MAF: variants seen among roughly 807,000 people sequenced by gnomAD.
MAF encodes the protein transcription factor Maf.
Under a neutral mutation model 22.0 loss-of-function variants are expected in MAF, and 10 were observed. The ratio of observed to expected loss-of-function variants is 0.45; its 90% CI spans 0.28 to 0.77. The LOEUF is 0.77. Among genes scored for constraint, MAF ranks in the 30% least tolerant of loss-of-function variants. MAF has a pLI of 0.12. For missense variants in MAF, 544 were observed against 548.4 expected (o/e 0.99, Z 0.08); for synonymous variants, 337 against 255.8 (o/e 1.32, Z -3.03).
At chr16:79,581,994 C>T (rs1912549869), downstream of MAF, among the ~76,000 whole-genome samples, 1 of 152,176 alleles carries the variant, frequency 6.6e-6, no homozygotes, top group African/African-American at 2.4e-5. Flanking sequence ...AATAATTTTA[C>T]TGTATTTCCT....
At chr16:79,410,929 C>T in the MAF span, among the ~76,000 whole-genome samples, 2 of 152,154 alleles carry the variant, frequency 1.3e-5, no homozygotes, top group African/African-American at 4.8e-5. Context: ...CGTGATGTTC[C>T]AGGGAGGGGG....
At chr16:79,582,834 C>T (rs1398381834), downstream of MAF, among the ~76,000 whole-genome samples, 1 of 152,166 alleles carries the variant, frequency 6.6e-6, no homozygotes, top group Non-Finnish European at 1.5e-5. Flanking sequence ...TCCTTCCCTT[C>T]TTGTGGGTGG....
At chr16:79,475,860 T>C in the MAF span, among the ~76,000 whole-genome samples, 1 of 152,168 alleles carries the variant, frequency 6.6e-6, no homozygotes. Context: ...GACCCCTGTG[T>C]GGCCTGTGCT....
chr16:79,564,836 A>G, the MAF span, among the ~76,000 whole-genome samples: 1 of 152,202 alleles, frequency 6.6e-6, no homozygotes, highest in Non-Finnish European at 1.5e-5. Context: ...ACGCCTGACA[A>G]TTGCAGCCTA....
At chr16:79,307,226 C>G in the MAF span, among the ~76,000 whole-genome samples, 1 of 152,232 alleles carries the variant, frequency 6.6e-6, no homozygotes, top group African/African-American at 2.4e-5. Flanking sequence ...CTCACACGAG[C>G]TGACCACAGG....
At chr16:79,415,571 G>A in the MAF span, among the ~76,000 whole-genome samples, 3 of 152,230 alleles carry the variant, frequency 2.0e-5, no homozygotes, top group South Asian at 2.1e-4. Flanking sequence ...TGCTCAGTGT[G>A]GTCAGCATTC....
the MAF span, among the ~76,000 whole-genome samples, chr16:79,476,336 T>C: frequency 6.6e-6 from 1 of 152,174 alleles, no homozygotes; most frequent in Non-Finnish European, 1.5e-5. Flanking sequence ...TGGGATAATA[T>C]ACTGTGAGAT....
chr16:79,334,853 G>A, the MAF span, among the ~76,000 whole-genome samples: 1,055 of 102,510 alleles, frequency 0.01, 13 homozygotes, highest in African/African-American at 0.031. Flanking sequence ...GTGTGTGTGT[G>A]TGTGTGTGTA....
At chr16:79,277,726 T>C in the MAF span, among the ~76,000 whole-genome samples, 2 of 152,208 alleles carry the variant, frequency 1.3e-5, no homozygotes, top group African/African-American at 4.8e-5. Context: ...CCCCTGAGCT[T>C]CTATGTGTCT....
At chr16:79,461,083 T>C in the MAF span, among the ~76,000 whole-genome samples, 15 of 152,220 alleles carry the variant, frequency 9.9e-5, no homozygotes, top group Admixed American at 5.2e-4. Context: ...TTGTTGTCTA[T>C]AAAGTAGGCA....
chr16:79,342,937 G>C, the MAF span, among the ~76,000 whole-genome samples: 1 of 151,930 alleles, frequency 6.6e-6, no homozygotes, highest in African/African-American at 2.4e-5. Context: ...ACCATTAATT[G>C]CTTGAAAAAA....
At chr16:79,265,439 C>T in the MAF span, among the ~76,000 whole-genome samples, 13 of 152,246 alleles carry the variant, frequency 8.5e-5, no homozygotes, top group African/African-American at 3.1e-4. Context: ...ATAAGTGACT[C>T]TAAGGAAGAA....
the MAF span, among the ~76,000 whole-genome samples, chr16:79,351,333 C>A: frequency 6.6e-6 from 1 of 152,154 alleles, no homozygotes; most frequent in African/African-American, 2.4e-5. Context: ...GGAAAGGCCT[C>A]CTGCTTTGGT....
chr16:79,454,850 A>C, the MAF span, among the ~76,000 whole-genome samples: 2 of 152,116 alleles, frequency 1.3e-5, no homozygotes, highest in African/African-American at 4.8e-5. Flanking sequence ...TAATCCCAGC[A>C]CTTTGGGAGG....
At chr16:79,341,712 A>G in the MAF span, among the ~76,000 whole-genome samples, 5 of 152,192 alleles carry the variant, frequency 3.3e-5, no homozygotes, top group Non-Finnish European at 7.3e-5. Context: ...GCTTTGGTGC[A>G]CAGAGTGGAT....
chr16:79,490,486 T>C, the MAF span, among the ~76,000 whole-genome samples: 2 of 152,274 alleles, frequency 1.3e-5, no homozygotes, highest in Middle Eastern at 3.4e-3. Flanking sequence ...TAAATTATGA[T>C]ACACTCATAC....
the MAF span, among the ~76,000 whole-genome samples, chr16:79,369,529 C>T: frequency 1.3e-5 from 2 of 152,214 alleles, no homozygotes; most frequent in African/African-American, 2.4e-5. Flanking sequence ...TTTCATGACA[C>T]TTAGCTCATC....
the MAF span, among the ~76,000 whole-genome samples, chr16:79,376,199 T>A: frequency 6.6e-6 from 1 of 152,184 alleles, no homozygotes; most frequent in Admixed American, 6.5e-5. Flanking sequence ...TTTGATTAGT[T>A]TAGTTGGTTT....
At chr16:79,490,132 T>C in the MAF span, among the ~76,000 whole-genome samples, 1 of 151,494 alleles carries the variant, frequency 6.6e-6, no homozygotes, top group African/African-American at 2.4e-5. Flanking sequence ...GCAGATAGAG[T>C]GAAAAGATAA....
Sources: gnomAD v4.1 joint callset for allele counts (sites outside exome capture counted in the v4.1 genomes callset) on GRCh38, gnomAD v4.1.1 for gene constraint, MANE v1.5 for transcripts, NCBI Gene and HGNC (gene_info 2026-07-23, HGNC 2026-07-21) for gene names.